The following EPHB1 variants were observed in gnomAD, a reference collection of about 807,000 sequenced individuals.
EPHB1 encodes the protein EPH receptor B1, also known as ephrin type-B receptor 1.
A neutral mutation model predicts 94.4 loss-of-function variants in EPHB1; 30 were observed. The ratio of observed to expected loss-of-function variants is 0.32; its 90% CI spans 0.24 to 0.43. The LOEUF is 0.43. Among genes scored for constraint, EPHB1 ranks in the 20% least tolerant of loss-of-function variants. EPHB1 has a pLI of 1.00. For missense variants in EPHB1, 1,055 were observed against 1,308.3 expected, an observed-to-expected ratio of 0.81 and a Z score of 2.99; for synonymous variants, 522 against 489.1, an observed-to-expected ratio of 1.07 and a Z score of -0.89.
intron 1 of EPHB1, among the ~76,000 whole-genome samples, chr3:134,846,280 C>T (rs186913725): frequency 6.6e-5 from 10 of 152,216 alleles, no homozygotes; most frequent in Non-Finnish European, 1.2e-4. Context: ...GTGTTGTGGC[C>T]GAACAGAAGC....
Position 135,249,423 on chromosome 3 carries a change from C to T in EPHB1, c.2778C>T (p.Val926=). Residue 926 remains valine, a synonymous_variant, in exon 15 of 16, where the codon GTC becomes GTT. Coordinates refer to ENST00000398015, the MANE Select transcript of EPHB1 (RefSeq NM_004441.5). The stretch of plus-strand genomic sequence containing the variant: ...ACTGGCTCAGCGCCATCAAAATGGT[C>T]CAGTACAGGGACAGCTTCCTCACTG... The part of the protein sequence containing the change: ...VDDWLSAIKM[V]QYRDSFLTAG... The T allele has an allele frequency of 1.2e-6, 2 of 1,614,042 alleles. No homozygotes were observed. Among genetic ancestry groups the T allele is most frequent in the Non-Finnish European group, 1.7e-6 (2 of 1,179,898 alleles).
intron 12 of EPHB1, among the ~76,000 whole-genome samples, chr3:135,218,605 A>T (rs193080060): frequency 4.0e-4 from 61 of 152,352 alleles, no homozygotes; most frequent in African/African-American, 1.4e-3. Flanking sequence ...TATGCCTGTC[A>T]TCATGTGGGA....
chr3:135,085,244 C>A (rs1938312575), intron 3 of EPHB1, among the ~76,000 whole-genome samples: 1 of 152,206 alleles, frequency 6.6e-6, no homozygotes, highest in Non-Finnish European at 1.5e-5. Context: ...GCAACCCTGA[C>A]TTTGAGGAAT....
chr3:134,997,522 C>G (rs6768835), intron 3 of EPHB1, among the ~76,000 whole-genome samples: 1,934 of 152,230 alleles, frequency 0.013, 46 homozygotes, highest in African/African-American at 0.043. Flanking sequence ...CCAAATCTTT[C>G]ACCTTCTGCC....
chr3:134,862,215 G>T (rs2037278808), intron 1 of EPHB1, among the ~76,000 whole-genome samples: 1 of 152,186 alleles, frequency 6.6e-6, no homozygotes, highest in African/African-American at 2.4e-5. Context: ...CACCTGGCTT[G>T]CTGGGCAGCT....
At chr3:135,129,630 A>G (rs1044573114) in intron 4 of EPHB1, among the ~76,000 whole-genome samples, 2 of 152,198 alleles carry the variant, frequency 1.3e-5, no homozygotes, top group Admixed American at 1.3e-4. Context: ...CCAGGAGGCT[A>G]CAGTGTGGTG....
chr3:135,096,738 A>T (rs948456514), intron 3 of EPHB1, among the ~76,000 whole-genome samples: 4 of 152,154 alleles, frequency 2.6e-5, no homozygotes, highest in African/African-American at 9.7e-5. Context: ...TTAGGCCATT[A>T]ATCCCATTTA....
intron 3 of EPHB1, among the ~76,000 whole-genome samples, chr3:134,989,067 C>A (rs1360330420): frequency 6.6e-6 from 1 of 152,180 alleles, no homozygotes; most frequent in East Asian, 1.9e-4. Flanking sequence ...AATTGGACCC[C>A]TACAGAGCTC....
intron 2 of EPHB1, among the ~76,000 whole-genome samples, chr3:134,937,172 A>G (rs2039020084): frequency 1.3e-5 from 2 of 152,238 alleles, no homozygotes; most frequent in African/African-American, 4.8e-5. Flanking sequence ...AGCCAAGTCC[A>G]GGAGGCAAAG....
intron 1 of EPHB1, among the ~76,000 whole-genome samples, chr3:134,822,069 G>A (rs1469726512): frequency 6.6e-6 from 1 of 152,160 alleles, no homozygotes; most frequent in Non-Finnish European, 1.5e-5. Context: ...GATGAGTATA[G>A]GAGGTAGGAG....
intron 3 of EPHB1, among the ~76,000 whole-genome samples, chr3:134,956,503 T>C (rs1253911786): frequency 6.6e-6 from 1 of 152,098 alleles, no homozygotes; most frequent in Non-Finnish European, 1.5e-5. Flanking sequence ...AGAGGGCACG[T>C]GCCAACTTAT....
chr3:134,937,846 T>C (rs1370272266), intron 2 of EPHB1, among the ~76,000 whole-genome samples: 2 of 151,406 alleles, frequency 1.3e-5, no homozygotes, highest in African/African-American at 4.9e-5. Context: ...TGTGAGGCAC[T>C]GCAATAATGG....
chr3:134,827,572 G>C (rs1207737669), intron 1 of EPHB1, among the ~76,000 whole-genome samples: 1 of 152,210 alleles, frequency 6.6e-6, no homozygotes, highest in Non-Finnish European at 1.5e-5. Flanking sequence ...GCAGAAACAG[G>C]GAGACTAATT....
At chr3:134,883,844 G>A (rs528248805) in intron 1 of EPHB1, among the ~76,000 whole-genome samples, 1 of 152,170 alleles carries the variant, frequency 6.6e-6, no homozygotes, top group Non-Finnish European at 1.5e-5. Context: ...GCAAGAGGTG[G>A]GTGAGTGGTC....
rs890091850 is a variant in EPHB1 at position 135,110,950 on chromosome 3, T to C, written c.961+4347T>C. Among the ~76,000 whole-genome samples, 3 of 152,182 alleles carry C rather than the reference T, an allele frequency of 2.0e-5. No individual in the cohort carries two copies. The South Asian group carries it at 6.2e-4, about 32-fold the overall frequency. ...CCAGGAGTGGGACATTCCCAGGGCCTAGACCCTGATCTTCCCAGGGAAGCA... is the reference window on the plus strand; with the variant it reads ...CCAGGAGTGGGACATTCCCAGGGCCCAGACCCTGATCTTCCCAGGGAAGCA... On this transcript the variant is annotated intron_variant, in intron 4 of 15. Transcript: ENST00000398015.
chr3:135,255,175 A>G (rs1933321308), intron 15 of EPHB1, among the ~76,000 whole-genome samples: 1 of 151,878 alleles, frequency 6.6e-6, no homozygotes, highest in Non-Finnish European at 1.5e-5. Context: ...TCCTGGATTC[A>G]TTAATTTTTT....
At chr3:134,953,407 A>G (rs1026154146) in intron 3 of EPHB1, among the ~76,000 whole-genome samples, 2 of 152,224 alleles carry the variant, frequency 1.3e-5, no homozygotes, top group African/African-American at 4.8e-5. Flanking sequence ...TGTGGAAACA[A>G]AGGAGAGAGA....
At chr3:134,839,073 A>C (rs958144344) in intron 1 of EPHB1, among the ~76,000 whole-genome samples, 1 of 152,240 alleles carries the variant, frequency 6.6e-6, no homozygotes, top group Non-Finnish European at 1.5e-5. Flanking sequence ...CAAGCGTTTT[A>C]TATATGTTAC....
chr3:134,983,405 T>C (rs1934482188), intron 3 of EPHB1, among the ~76,000 whole-genome samples: 1 of 152,278 alleles, frequency 6.6e-6, no homozygotes, highest in African/African-American at 2.4e-5. Context: ...ATTACAGGTG[T>C]AAAATATTCA....
Sources: gnomAD v4.1 joint callset for allele counts (sites outside exome capture counted in the v4.1 genomes callset) on GRCh38, gnomAD v4.1.1 for gene constraint, MANE v1.5 for transcripts, NCBI Gene and HGNC (gene_info 2026-07-23, HGNC 2026-07-21) for gene names.